Variants in ITGAV observed in about 807,000 individuals in gnomAD.
ITGAV encodes the protein integrin alpha-V.
A neutral mutation model predicts 143.8 loss-of-function variants in ITGAV; 76 were observed. That is an observed-to-expected ratio of 0.53 (90% CI 0.44 to 0.64). ITGAV has a LOEUF of 0.64. ITGAV is among the 30% of genes least tolerant of loss of function. The pLI is 0.00. For synonymous variants in ITGAV, 453 were observed against 446.7 expected, an observed-to-expected ratio of 1.01 and a Z score of -0.18; for missense variants, 1,193 against 1,274.7, an observed-to-expected ratio of 0.94 and a Z score of 0.98.
At chr2:186,655,164 A>G (rs1279664117) in intron 16 of ITGAV, among the ~76,000 whole-genome samples, 1 of 152,174 alleles carries the variant, frequency 6.6e-6, no homozygotes, top group Admixed American at 6.5e-5. Context: ...AGCAAACTCT[A>G]CTCTTCTTTT....
At chr2:186,605,553 C>T (rs1044741781) in intron 2 of ITGAV, among the ~76,000 whole-genome samples, 1 of 152,014 alleles carries the variant, frequency 6.6e-6, no homozygotes, top group Non-Finnish European at 1.5e-5. Flanking sequence ...ATGTCTCTTT[C>T]CCTCAATTAG....
In ITGAV at chr2:186,641,446, C is replaced by T; in HGVS notation, c.1017C>T (p.Leu339=). The change falls in exon 12 of 30, where the codon CTC becomes CTT. Residue 339 remains leucine, a synonymous_variant. Coordinates refer to ENST00000261023, the MANE Select transcript of ITGAV (RefSeq NM_002210.5). ...TGGATCGTGGCTCTGATGGCAAACT[C>T]CAAGAGGTGGGGCAGGTCTCAGTGT... ...LFMDRGSDGK[L]QEVGQVSVSL... The T allele has an allele frequency of 6.2e-7, 1 of 1,614,060 alleles. No homozygotes were observed. The highest frequency in any genetic ancestry group is 8.5e-7 in the Non-Finnish European group (1 of 1,179,992).
chr2:186,675,519 A>T lies in ITGAV; in HGVS notation c.2707-85A>T, dbSNP rs1689182375. The T allele has an allele frequency of 3.1e-6, 3 of 953,376 alleles. No homozygotes were observed. The African/African-American group carries it at 4.9e-5, about 16-fold the overall frequency. 59.1% of individuals were successfully genotyped at this position (953,376 alleles called of 1,614,324 possible). ...TGGATAATCTCTTTGGCCATCACACAAAAAGAAAAAAAATGGCAAATTTTC... is the reference window on the plus strand; with the variant it reads ...TGGATAATCTCTTTGGCCATCACACTAAAAGAAAAAAAATGGCAAATTTTC... On this transcript the variant is annotated intron_variant, in intron 26 of 29. Transcript: ENST00000261023.
intron 16 of ITGAV, among the ~76,000 whole-genome samples, chr2:186,655,394 G>A (rs1688554262): frequency 6.6e-6 from 1 of 152,164 alleles, no homozygotes; most frequent in African/African-American, 2.4e-5. Flanking sequence ...GAGACCTGAA[G>A]GAAATAAGGG....
rs1689300989 is a variant in ITGAV at position 186,679,629 on chromosome 2, C to T, written c.*2337C>T. 6.6e-6 allele frequency: 1 copy of T among 151,706 alleles called. No homozygotes were observed. Among genetic ancestry groups the T allele is most frequent in the Admixed American group, 6.6e-5 (1 of 15,240 alleles). 9.4% of individuals were successfully genotyped at this position (151,706 alleles called of 1,614,324 possible). The stretch of plus-strand genomic sequence containing the variant: ...TTTTGAAATGTAAAATTTTTATGAT[C>T]TGATTCAGTTTTAAGAAAACATGAA... On this transcript the variant is annotated 3_prime_UTR_variant, in exon 30 of 30. Transcript: ENST00000261023.
At chr2:186,652,327 C>A (rs1422451884) in intron 15 of ITGAV, among the ~76,000 whole-genome samples, 1 of 152,114 alleles carries the variant, frequency 6.6e-6, no homozygotes, top group Admixed American at 6.5e-5. Context: ...GTAGCTGGGA[C>A]TACAGGTGTG....
At position 186,656,502 on chromosome 2, in the gene ITGAV, A is replaced by G. The variant is rs1688591099; in HGVS notation, c.1719+101A>G. On this transcript the variant is annotated intron_variant, in intron 17 of 29. Transcript: ENST00000261023. Reference sequence around the variant, plus strand: ...TGTAAATTAGTGTTAGATCAAAAGGAAAAACAGAAAAATACACAAAGGAAA... The same window carrying G: ...TGTAAATTAGTGTTAGATCAAAAGGGAAAACAGAAAAATACACAAAGGAAA... The G allele has an allele frequency of 3.5e-6, 3 of 850,768 alleles. No individual in the cohort carries two copies. In the South Asian group the frequency reaches 6.8e-5, roughly 19 times the overall value. The allele number at this position is 850,768 out of a possible 1,614,324, so 52.7% of individuals were successfully genotyped here. A position where few individuals can be genotyped will look rare whatever the true frequency, so the allele number is the denominator to read the frequency against.
In ITGAV at chr2:186,628,314, G is replaced by T. The variant is rs181190076; in HGVS notation, c.524-2483G>T. Among the ~76,000 whole-genome samples the T allele has an allele frequency of 4.7e-4, 72 of 151,978 alleles. 1 individual carries two copies. The highest frequency in any genetic ancestry group is 3.4e-3 in the Middle Eastern group (1 of 294). ...TTTATTTGTTTGCTTTTGAGTTTTT[G>T]TTGTTGTTGTTGTTGGTTAGTTAGT... On this transcript the variant is annotated intron_variant, in intron 4 of 29. Transcript: ENST00000261023.
At chr2:186,594,449 G>A (rs140172403) in intron 1 of ITGAV, among the ~76,000 whole-genome samples, 220 of 152,204 alleles carry the variant, frequency 1.4e-3, no homozygotes, top group African/African-American at 4.8e-3. Context: ...AGGTTTTCTT[G>A]ATTCCATCTC....
chr2:186,632,068 T>C (rs1227929727), intron 5 of ITGAV, among the ~76,000 whole-genome samples: 1 of 152,164 alleles, frequency 6.6e-6, no homozygotes, highest in Non-Finnish European at 1.5e-5. Flanking sequence ...ATTTGTATTT[T>C]ATTAATTTTT....
In ITGAV at chr2:186,669,042, G is replaced by T. The variant is rs1056287805; in HGVS notation, c.2592+122G>T. 7 of 839,600 alleles carry T rather than the reference G, an allele frequency of 8.3e-6. No homozygotes were observed. In the African/African-American group the frequency reaches 1.2e-4, roughly 15 times the overall value. The allele number at this position is 839,600 out of a possible 1,614,324, so 52.0% of individuals were successfully genotyped here. ...ATATAAAACCCACTCTGCAAAAAAT[G>T]GTTTAGTTCATAAGCAGTACACTTA... On this transcript the variant is annotated intron_variant, in intron 25 of 29. Transcript: ENST00000261023.
At chr2:186,667,876 TA>T in intron 24 of ITGAV, 100 bp downstream of exon 24, 1 of 572,226 alleles carries the variant, frequency 1.7e-6, no homozygotes, top group Non-Finnish European at 3.0e-6. Flanking sequence ...AATTTTTATG[TA>T]AACTCTACAT....
chr2:186,656,428 G>A, intron 17 of ITGAV, 27 bp downstream of exon 17: 1 of 1,436,534 alleles, frequency 7.0e-7, no homozygotes, highest in Non-Finnish European at 9.2e-7. Context: ...CTGCTACCTT[G>A]TTGTTCCTTT....
At position 186,623,989 on chromosome 2, in the gene ITGAV, A is replaced by G. The variant is rs191129595; in HGVS notation, c.409-1484A>G. Among the ~76,000 whole-genome samples, 89 of 152,274 alleles carry G rather than the reference A, an allele frequency of 5.8e-4. 1 individual carries two copies. Among genetic ancestry groups the G allele is most frequent in the African/African-American group, 2.0e-3 (84 of 41,560 alleles). ...TTTACCTTCTTGATTAAAACAGTCA[A>G]GTGGCTTTCTGTCACTCTCTGCATA... is the stretch of plus-strand genomic sequence containing the variant. On this transcript the variant is annotated intron_variant, in intron 3 of 29. Transcript: ENST00000261023.
chr2:186,615,417 A>G (rs1687325426), intron 2 of ITGAV, among the ~76,000 whole-genome samples: 1 of 152,182 alleles, frequency 6.6e-6, no homozygotes. Flanking sequence ...TTACATTTCT[A>G]TTAGTAATGT....
intron 2 of ITGAV, among the ~76,000 whole-genome samples, chr2:186,612,951 G>A (rs2105671426): frequency 6.6e-6 from 1 of 152,248 alleles, no homozygotes; most frequent in South Asian, 2.1e-4. Flanking sequence ...ATTACACAGA[G>A]AGCTGGTAAG....
intron 4 of ITGAV, among the ~76,000 whole-genome samples, chr2:186,628,112 A>C (rs1687723040): frequency 6.6e-6 from 1 of 152,132 alleles, no homozygotes; most frequent in Non-Finnish European, 1.5e-5. Flanking sequence ...TTGTTTCATC[A>C]TTGGTAAAAC....
At chr2:186,666,926 A>T (rs1688914412) in intron 22 of ITGAV, 143 bp downstream of exon 22, 2 of 571,096 alleles carry the variant, frequency 3.5e-6, no homozygotes, top group African/African-American at 3.8e-5. Context: ...TATTTACATT[A>T]TAAGAATAAT....
intron 15 of ITGAV, among the ~76,000 whole-genome samples, chr2:186,652,753 GA>G (rs1209677451): frequency 6.6e-5 from 10 of 151,892 alleles, no homozygotes; most frequent in African/African-American, 1.9e-4. Context: ...ACAGTTGTAT[GA>G]AAAAAATTAT....
Sources: allele counts gnomAD v4.1 joint callset (sites outside exome capture counted in the v4.1 genomes callset), GRCh38; gene constraint gnomAD v4.1.1; transcripts MANE v1.5; gene names NCBI Gene and HGNC (gene_info 2026-07-23, HGNC 2026-07-21).